The following RUNX1T1 variants were observed in gnomAD, a reference collection of about 807,000 sequenced individuals.
RUNX1T1 encodes the protein RUNX1 partner transcriptional co-repressor 1.
RUNX1T1 carries 4 observed loss-of-function variants against 62.8 expected under a neutral mutation model. The observed-to-expected ratio is 0.06, with a 90% CI of 0.03 to 0.15. The LOEUF is 0.15. RUNX1T1 is among the 10% of genes least tolerant of loss of function. The pLI, the probability that RUNX1T1 is intolerant of heterozygous loss-of-function variation, is 1.00. For missense variants in RUNX1T1, 508 were observed against 754.3 expected, an observed-to-expected ratio of 0.67 and a Z score of 3.82; for synonymous variants, 291 against 286.0, an observed-to-expected ratio of 1.02 and a Z score of -0.18.
intron 2 of RUNX1T1, 26 bp downstream of exon 2, chr8:92,075,939 A>G (rs780429509): frequency 6.3e-7 from 1 of 1,580,032 alleles, no homozygotes; most frequent in Non-Finnish European, 8.6e-7. Flanking sequence ...TAAATTGCAA[A>G]ATCAAAATAT....
At chr8:92,039,121 T>C (rs1034646316) in intron 1 of RUNX1T1, among the ~76,000 whole-genome samples, 64 of 150,180 alleles carry the variant, frequency 4.3e-4, no homozygotes, top group African/African-American at 1.5e-3. Flanking sequence ...GGTGGCCAAA[T>C]CCAAAAGGCA....
At chr8:92,058,113 A>T (rs964745414) in intron 1 of RUNX1T1, among the ~76,000 whole-genome samples, 65 of 151,968 alleles carry the variant, frequency 4.3e-4, no homozygotes, top group African/African-American at 1.5e-3. Context: ...CTCCTGCATG[A>T]TCTACTATGT....
chr8:91,990,334 C>T (rs1217933306), intron 6 of RUNX1T1, among the ~76,000 whole-genome samples: 4 of 152,116 alleles, frequency 2.6e-5, no homozygotes, highest in Non-Finnish European at 5.9e-5. Context: ...GTCACTAAGT[C>T]GCCCTCATCA....
intron 1 of RUNX1T1, among the ~76,000 whole-genome samples, chr8:92,030,356 A>G (rs1412211379): frequency 1.3e-5 from 2 of 152,180 alleles, no homozygotes; most frequent in Non-Finnish European, 2.9e-5. Flanking sequence ...TATCATATCA[A>G]CTCAGTCCCA....
At chr8:91,976,366 G>GT (rs949307254) in intron 8 of RUNX1T1, among the ~76,000 whole-genome samples, 2 of 152,166 alleles carry the variant, frequency 1.3e-5, no homozygotes, top group African/African-American at 4.8e-5. Context: ...ACAATCAAAT[G>GT]TTCAGGTAAT....
chr8:92,091,467 G>A (rs916021022), intron 1 of RUNX1T1, among the ~76,000 whole-genome samples: 2 of 152,198 alleles, frequency 1.3e-5, no homozygotes, highest in Non-Finnish European at 2.9e-5. Context: ...TCTGATGTAA[G>A]AGCCTGGACA....
At chr8:92,020,568 C>G (rs555264196) in intron 1 of RUNX1T1, among the ~76,000 whole-genome samples, 1 of 152,092 alleles carries the variant, frequency 6.6e-6, no homozygotes, top group East Asian at 1.9e-4. Flanking sequence ...AAAAAACCTC[C>G]ATCAGATCAT....
At chr8:91,979,630 GAGGATGA>G (rs1166008560) in intron 8 of RUNX1T1, 1 of 285,528 alleles carries the variant, frequency 3.5e-6, no homozygotes, top group Non-Finnish European at 6.8e-6. Flanking sequence ...GAGAGTGGAT[GAGGATGA>G]AGGGAGCCTC....
chr8:92,051,871 GTAT>G (rs1830305162), intron 1 of RUNX1T1, among the ~76,000 whole-genome samples: 1 of 150,932 alleles, frequency 6.6e-6, no homozygotes, highest in Admixed American at 6.6e-5. Context: ...TCAAGAAGAT[GTAT>G]TAATGTTCAT....
intron 3 of RUNX1T1, among the ~76,000 whole-genome samples, chr8:92,013,219 A>G (rs1447219362): frequency 6.6e-6 from 1 of 152,240 alleles, no homozygotes; most frequent in Non-Finnish European, 1.5e-5. Flanking sequence ...GGAAAAGATA[A>G]GTGACTGACA....
intron 8 of RUNX1T1, chr8:91,979,743 T>A (rs992441845): frequency 4.2e-6 from 2 of 475,564 alleles, no homozygotes; most frequent in Non-Finnish European, 8.3e-6. Context: ...CAATCTATGA[T>A]GTATGAAAGA....
chr8:91,970,918 T>C (rs565723482), intron 9 of RUNX1T1, 70 bp from the exon 11 acceptor site: 12 of 1,292,120 alleles, frequency 9.3e-6, no homozygotes, highest in Non-Finnish European at 1.2e-5. Flanking sequence ...GGATACGGAT[T>C]ACTTTTCTTT....
upstream of RUNX1T1, among the ~76,000 whole-genome samples, chr8:92,067,788 C>A (rs577312464): frequency 7.2e-5 from 11 of 152,256 alleles, no homozygotes; most frequent in Middle Eastern, 6.9e-3. Flanking sequence ...TAAACAAAAT[C>A]TATATCTGTA....
intron 10 of RUNX1T1, among the ~76,000 whole-genome samples, chr8:91,968,573 G>C (rs1812130796): frequency 6.6e-6 from 1 of 152,026 alleles, no homozygotes; most frequent in Admixed American, 6.6e-5. Context: ...GAGAAAAGAG[G>C]CTTAATCCTT....
chr8:91,964,953 T>C (rs1650319696), intron 10 of RUNX1T1, among the ~76,000 whole-genome samples: 1 of 152,174 alleles, frequency 6.6e-6, no homozygotes, highest in African/African-American at 2.4e-5. Context: ...ACAGAACATG[T>C]AAAGCAGGAA....
chr8:91,981,525 C>T (rs186528480), intron 8 of RUNX1T1, among the ~76,000 whole-genome samples: 193 of 150,166 alleles, frequency 1.3e-3, no homozygotes, highest in African/African-American at 4.1e-3. Flanking sequence ...AGCAATACTC[C>T]GGCCTCAGCC....
At chr8:91,967,634 T>C (rs1306090634) in intron 10 of RUNX1T1, among the ~76,000 whole-genome samples, 1 of 152,200 alleles carries the variant, frequency 6.6e-6, no homozygotes, top group African/African-American at 2.4e-5. Context: ...TTCAGAGGTA[T>C]CTAGAGTTAA....
At chr8:91,978,896 A>G (rs1185437404) in intron 8 of RUNX1T1, among the ~76,000 whole-genome samples, 4 of 152,234 alleles carry the variant, frequency 2.6e-5, no homozygotes, top group Non-Finnish European at 5.9e-5. Context: ...CCATGTCCAC[A>G]TAGGCCCAAA....
At chr8:92,039,000 T>C (rs1345410460) in intron 1 of RUNX1T1, among the ~76,000 whole-genome samples, 1 of 151,948 alleles carries the variant, frequency 6.6e-6, no homozygotes, top group Non-Finnish European at 1.5e-5. Context: ...CATCCTCCAT[T>C]CTCCCACTGC....
Sources: gnomAD v4.1 joint callset for allele counts (sites outside exome capture counted in the v4.1 genomes callset) on GRCh38, gnomAD v4.1.1 for gene constraint, MANE v1.5 for transcripts, NCBI Gene and HGNC (gene_info 2026-07-23, HGNC 2026-07-21) for gene names.